Variants in SGO2 observed in about 807,000 individuals in gnomAD.
SGO2 encodes shugoshin 2, also known as shugoshin-like 2.
In SGO2, 68 loss-of-function variants were observed where a neutral mutation model predicts 99.5. The ratio of observed to expected loss-of-function variants is 0.68; its 90% CI spans 0.56 to 0.84. The LOEUF (loss-of-function observed/expected upper bound fraction) is 0.84, where lower values mean the gene tolerates loss of function less well. SGO2 is among the 40% of genes least tolerant of loss of function. SGO2 has a pLI of 0.00. For synonymous variants in SGO2, 457 were observed against 487.1 expected, an observed-to-expected ratio of 0.94 and a Z score of 0.81; for missense variants, 1,350 against 1,436.7, an observed-to-expected ratio of 0.94 and a Z score of 0.97.
chr2:200,559,690 A>C (rs2032866230), intron 5 of SGO2, among the ~76,000 whole-genome samples: 1 of 152,148 alleles, frequency 6.6e-6, no homozygotes, highest in South Asian at 2.1e-4. Context: ...CCTCCTGAGT[A>C]GCTGGGACTA....
chr2:200,538,111 T>A lies in SGO2; in HGVS notation c.387+1969T>A, dbSNP rs544078106. ...TTTTCTCTTGTTCCTCTATGTATTC[T>A]CTTCTTATTATAACAGCCAGAGTGA... On this transcript the variant is annotated intron_variant, in intron 4 of 8. Coordinates refer to ENST00000357799, the MANE Select transcript of SGO2 (RefSeq NM_152524.6). Among the ~76,000 whole-genome samples the A allele has an allele frequency of 5.3e-5, 8 of 152,302 alleles. 1 individual carries two copies. In the South Asian group the frequency reaches 6.2e-4, roughly 12 times the overall value.
chr2:200,563,591 T>G (rs1344552189), intron 5 of SGO2, among the ~76,000 whole-genome samples: 1 of 152,218 alleles, frequency 6.6e-6, no homozygotes, highest in Non-Finnish European at 1.5e-5. Flanking sequence ...TTAGGGAGGA[T>G]TCCCTCTTTT....
chr2:200,556,268 A>G (rs925757615), intron 5 of SGO2, among the ~76,000 whole-genome samples: 5 of 152,162 alleles, frequency 3.3e-5, no homozygotes, highest in Admixed American at 3.3e-4. Context: ...GCTAAGTCGA[A>G]TATCCGCTTT....
At chr2:200,527,230 G>A (rs1216892983) in intron 1 of SGO2, among the ~76,000 whole-genome samples, 2 of 152,206 alleles carry the variant, frequency 1.3e-5, no homozygotes, top group Non-Finnish European at 2.9e-5. Flanking sequence ...ATAGGCGATT[G>A]ACAGTGTCGT....
chr2:200,535,696 A>G (rs2031658493), intron 3 of SGO2, among the ~76,000 whole-genome samples: 1 of 152,116 alleles, frequency 6.6e-6, no homozygotes, highest in Admixed American at 6.6e-5. Flanking sequence ...TATAATGGAA[A>G]AAGGACCTAC....
In SGO2 at chr2:200,572,618, C is replaced by T; in HGVS notation, c.2272C>T (p.Leu758=). ...AGATAAGGAAATCATCCCTGGAAAC[C>T]TAGAAGACCCAAGTGAGTTTGAAAC... ...QKDKEIIPGN[L]EDPSEFETPA... is the part of the protein sequence containing the mutation. The change falls in exon 7 of 9, where the codon CTA becomes TTA. Residue 758 remains leucine (L), a synonymous_variant. Transcript: ENST00000357799. 6.2e-7 allele frequency: 1 copy of T among 1,613,112 alleles called. No homozygotes were observed. Among genetic ancestry groups the T allele is most frequent in the Middle Eastern group, 1.7e-4 (1 of 6,060 alleles).
intron 4 of SGO2, among the ~76,000 whole-genome samples, chr2:200,536,883 T>G (rs912717258): frequency 4.6e-5 from 7 of 152,146 alleles, no homozygotes; most frequent in African/African-American, 1.4e-4. Flanking sequence ...TTGTCCGCCT[T>G]CAGCTACTTT....
At chr2:200,583,394 A>G (rs2033901020) in intron 8 of SGO2, 55 bp from the exon 9 acceptor site, 1 of 1,503,012 alleles carries the variant, frequency 6.7e-7, no homozygotes, top group Middle Eastern at 1.7e-4. Flanking sequence ...CATGCTTCAC[A>G]GCAAAAGCAT....
chr2:200,532,738 C>T (rs1310785863), intron 1 of SGO2, among the ~76,000 whole-genome samples: 1 of 151,928 alleles, frequency 6.6e-6, no homozygotes, highest in Non-Finnish European at 1.5e-5. Context: ...TTCCCCTGCA[C>T]CTGGTACATA....
chr2:200,559,958 T>A (rs558548937), intron 5 of SGO2, among the ~76,000 whole-genome samples: 11 of 152,330 alleles, frequency 7.2e-5, no homozygotes, highest in African/African-American at 1.9e-4. Context: ...AGGACAAAGC[T>A]TGATCTAATT....
chr2:200,573,461 G>A lies in SGO2; in HGVS notation c.3115G>A (p.Glu1039Lys). The change falls in exon 7 of 9, where the codon GAA becomes AAA. Residue 1039 changes from glutamate to lysine, a missense_variant. Coordinates refer to ENST00000357799, the MANE Select transcript of SGO2 (RefSeq NM_152524.6). Reference protein sequence around the residue: ...EADSDPGNPVELCKTQKQSTT... With the variant: ...EADSDPGNPVKLCKTQKQSTT... ...AGATTCTGATCCAGGAAACCCAGTTGAACTATGTAAGACTCAGAAGCAAAG... is the reference window on the plus strand; with the variant it reads ...AGATTCTGATCCAGGAAACCCAGTTAAACTATGTAAGACTCAGAAGCAAAG... The A allele has an allele frequency of 1.2e-6, 2 of 1,611,156 alleles. No homozygotes were observed. The highest frequency in any genetic ancestry group is 1.7e-6 in the Non-Finnish European group (2 of 1,178,958).
At position 200,570,939 on chromosome 2, in the gene SGO2, C is replaced by T. The variant is rs561661275; in HGVS notation, c.704-111C>T. The T allele has an allele frequency of 2.1e-6, 2 of 973,276 alleles. No individual in the cohort carries two copies. Among genetic ancestry groups the T allele is most frequent in the East Asian group, 5.3e-5 (2 of 38,050 alleles). 60.3% of individuals were successfully genotyped at this position (973,276 alleles called of 1,614,324 possible). A position where few individuals can be genotyped will look rare whatever the true frequency, so the allele number is the denominator to read the frequency against. On this transcript the variant is annotated intron_variant, in intron 6 of 8. Transcript: ENST00000357799. The surrounding 1 kb of genome is among the most constrained non-coding windows in gnomAD (Gnocchi z 4.4). ...GTAATATTAGGATCTGATCAGAACA[C>T]ATTGTCAGAAATTATATCTGTGAAA...
intron 8 of SGO2, among the ~76,000 whole-genome samples, chr2:200,582,390 A>G (rs1321290234): frequency 6.6e-6 from 1 of 152,136 alleles, no homozygotes; most frequent in Non-Finnish European, 1.5e-5. Context: ...AGTCTAATAG[A>G]TCTTCTTCCA....
chr2:200,573,345 A>C lies in SGO2; in HGVS notation c.2999A>C (p.Lys1000Thr), dbSNP rs761728547. ...SSCKAKNILT[K>T]AKNKLASQLT... is the part of the protein sequence containing the mutation. ...TGCAAGGCAAAGAACATTTTGACAA[A>C]AGCTAAGAACAAACTTGCTTCACAG... The change falls in exon 7 of 9, where the codon AAA becomes ACA. Residue 1000 changes from lysine (K) to threonine (T), a missense_variant. Coordinates refer to ENST00000357799, the MANE Select transcript of SGO2 (RefSeq NM_152524.6). 2.5e-6 allele frequency: 4 copies of C among 1,605,996 alleles called. No homozygotes were observed. The African/African-American group carries it at 5.4e-5, about 22-fold the overall frequency.
At position 200,571,736 on chromosome 2, in the gene SGO2, C is replaced by T. The variant is rs759077879; in HGVS notation, c.1390C>T (p.Leu464=). Residue 464 remains leucine, a synonymous_variant, in exon 7 of 9, where the codon CTG becomes TTG. Coordinates refer to ENST00000357799, the MANE Select transcript of SGO2 (RefSeq NM_152524.6). ...ACAGCTGGCTCAGATGAATGAACAG[C>T]TGGCTCAGGTGAATGAACTAAAGAA... ...NEQLAQMNEQ[L]AQVNELKKMT... is the part of the protein sequence containing the mutation. 2.9e-5 allele frequency: 47 copies of T among 1,613,536 alleles called. No homozygotes were observed. The South Asian group carries it at 4.9e-4, about 17-fold the overall frequency.
Position 200,573,064 on chromosome 2 carries a change from C to T in SGO2, c.2718C>T (p.Leu906=), listed in dbSNP as rs1193641979. Residue 906 remains leucine (L), a synonymous_variant, in exon 7 of 9, where the codon CTC becomes CTT. Transcript: ENST00000357799. ...AAAATGAATCAAAAATAAATAAGCT[C>T]AGGAATAAAGTGAATTGGAAGACAG... is the stretch of plus-strand genomic sequence containing the variant. ...AEQNESKINK[L]RNKVNWKTEI... is the part of the protein sequence containing the mutation. 1 of 1,569,720 alleles carries T rather than the reference C, an allele frequency of 6.4e-7. No individual in the cohort carries two copies. The highest frequency in any genetic ancestry group is 8.6e-7 in the Non-Finnish European group (1 of 1,166,878).
chr2:200,530,639 TAA>T (rs1439837073), intron 1 of SGO2, among the ~76,000 whole-genome samples: 1 of 151,962 alleles, frequency 6.6e-6, no homozygotes, highest in Non-Finnish European at 1.5e-5. Flanking sequence ...GAAGAACCTG[TAA>T]AAGAGACAGA....
Position 200,572,851 on chromosome 2 carries a change from C to G in SGO2, c.2505C>G (p.Asp835Glu), listed in dbSNP as rs770336760. Residue 835 changes from aspartate to glutamate, a missense_variant, in exon 7 of 9, where the codon GAC becomes GAG. Physicochemically the swap from Asp to Glu is conservative, Grantham distance 45. Transcript: ENST00000357799. ...IYENDNKGVH[D>E]LEKDNFFSLT... ...AGAATGATAACAAAGGTGTACATGA[C>G]CTAGAAAAAGATAACTTCTTCTCTC... 2 of 1,597,354 alleles carry G rather than the reference C, an allele frequency of 1.3e-6. No homozygotes were observed. The highest frequency in any genetic ancestry group is 1.7e-6 in the Non-Finnish European group (2 of 1,175,306).
chr2:200,570,176 G>A lies in SGO2; in HGVS notation c.703+284G>A, dbSNP rs1210566546. ...CAATATCTTAGCTTATGATTTGAAA[G>A]ATACCATATATTTACTTAGTTTTAC... On this transcript the variant is annotated intron_variant, in intron 6 of 8. Transcript: ENST00000357799. The surrounding 1 kb of genome is among the most constrained non-coding windows in gnomAD (Gnocchi z 4.4). 2.6e-6 allele frequency: 1 copy of A among 387,736 alleles called. No individual in the cohort carries two copies. The highest frequency in any genetic ancestry group is 4.5e-6 in the Non-Finnish European group (1 of 219,840). 24.0% of individuals were successfully genotyped at this position (387,736 alleles called of 1,614,324 possible). A position where few individuals can be genotyped will look rare whatever the true frequency, so the allele number is the denominator to read the frequency against.
Sources: allele counts gnomAD v4.1 joint callset (sites outside exome capture counted in the v4.1 genomes callset), GRCh38; gene constraint gnomAD v4.1.1; non-coding constraint Gnocchi (gnomAD v3.1); transcripts MANE v1.5; gene names NCBI Gene and HGNC (gene_info 2026-07-23, HGNC 2026-07-21).